PSD4: variants seen among roughly 807,000 people sequenced by gnomAD.
PSD4 encodes the protein pleckstrin and Sec7 domain containing 4.
A neutral mutation model predicts 112.5 loss-of-function variants in PSD4; 59 were observed. That is an observed-to-expected ratio of 0.52 (90% CI 0.43 to 0.65). The LOEUF is 0.65. PSD4 is among the 30% of genes least tolerant of loss of function. The pLI is 0.00. For missense variants in PSD4, 1,267 were observed against 1,352.6 expected (o/e 0.94, Z 0.99); for synonymous variants, 533 against 540.0 (o/e 0.99, Z 0.18).
intron 5 of PSD4, among the ~76,000 whole-genome samples, chr2:113,186,917 T>C (rs1688314130): frequency 6.6e-6 from 1 of 152,186 alleles, no homozygotes; most frequent in African/African-American, 2.4e-5. Flanking sequence ...AAAAGGCATT[T>C]TGTTTTCTAA....
intron 12 of PSD4, among the ~76,000 whole-genome samples, chr2:113,196,933 C>G (rs1370750995): frequency 1.3e-5 from 2 of 152,272 alleles, no homozygotes; most frequent in Non-Finnish European, 2.9e-5. Flanking sequence ...GAGTGGTGAT[C>G]TCAGCAGACT....
In PSD4 at chr2:113,201,432, G is replaced by GTGAAGCC; in HGVS notation, c.*17_*18insTGAAGCC. ...CAGCTGTGAAGCCAGCACCACCTCA[G>GTGAAGCC]AGACACTGTTCCCTGCTCCAGGGTA... On this transcript the variant is annotated 3_prime_UTR_variant, in exon 17 of 17. Coordinates refer to ENST00000245796, the MANE Select transcript of PSD4 (RefSeq NM_012455.3). The GTGAAGCC allele has an allele frequency of 6.2e-7, 1 of 1,612,158 alleles. No homozygotes were observed. Among genetic ancestry groups the GTGAAGCC allele is most frequent in the Non-Finnish European group, 8.5e-7 (1 of 1,179,540 alleles).
rs1401919284 is a variant in PSD4, at chr2:113,206,560, C to T, written c.*5145C>T. 1 of 152,278 alleles carries T rather than the reference C, an allele frequency of 6.6e-6. No individual in the cohort carries two copies. The highest frequency in any genetic ancestry group is 1.5e-5 in the Non-Finnish European group (1 of 68,052). The allele number at this position is 152,278 out of a possible 1,614,324, so 9.4% of individuals were successfully genotyped here. ...AATTGAGTCCAGCTTTTCTAGCCAT[C>T]TGACCGTGGCCAGTTAGCCTCTTAT... On this transcript the variant is annotated 3_prime_UTR_variant, in exon 17 of 17. Coordinates refer to ENST00000245796, the MANE Select transcript of PSD4 (RefSeq NM_012455.3).
rs753696839 is a variant in PSD4 at position 113,182,422 on chromosome 2, C to G, written c.-35C>G. 3.9e-6 allele frequency: 6 copies of G among 1,546,514 alleles called. No homozygotes were observed. The African/African-American group carries it at 8.2e-5, about 21-fold the overall frequency. ...CACAGTGAGACCGTGAAAGCAGATG[C>G]TCCGGGGCACTCCTGGGCAGCTTTT... On this transcript the variant is annotated 5_prime_UTR_variant, in exon 2 of 17. Coordinates refer to ENST00000245796, the MANE Select transcript of PSD4 (RefSeq NM_012455.3).
intron 1 of PSD4, among the ~76,000 whole-genome samples, chr2:113,178,445 A>AC (rs1417375661): frequency 6.8e-6 from 1 of 147,398 alleles, no homozygotes; most frequent in Non-Finnish European, 1.5e-5. Flanking sequence ...CTCTGAAAAA[A>AC]CCCAGCAAGG....
At position 113,192,708 on chromosome 2, in the gene PSD4, T is replaced by C. The variant is rs982205154; in HGVS notation, c.1838+119T>C. On this transcript the variant is annotated intron_variant, in intron 6 of 16. Transcript: ENST00000245796. ...GTCCCTGCCCTGTTCCCTTCCCATC[T>C]CCCCTCCTAACTTTTCCCCCATACC... The C allele has an allele frequency of 9.4e-6, 10 of 1,062,244 alleles. No homozygotes were observed. The African/African-American group carries it at 1.4e-4, about 15-fold the overall frequency. The allele number at this position is 1,062,244 out of a possible 1,614,324, so 65.8% of individuals were successfully genotyped here.
intron 1 of PSD4, among the ~76,000 whole-genome samples, chr2:113,181,705 A>G (rs1688142561): frequency 6.6e-6 from 1 of 152,198 alleles, no homozygotes; most frequent in Admixed American, 6.5e-5. Context: ...TGAGTTAAGC[A>G]GAGAGCCCCT....
chr2:113,185,900 C>T lies in PSD4; in HGVS notation c.1273C>T (p.Gln425Ter). The T allele has an allele frequency of 6.2e-7, 1 of 1,612,442 alleles. No homozygotes were observed. Among genetic ancestry groups the T allele is most frequent in the Non-Finnish European group, 8.5e-7 (1 of 1,179,248 alleles). ...DRDEREGGHP[Q>*]ESLPCTLAPC... ...AGATGAGAGGGAGGGTGGACACCCC[C>T]AGGAATCTCTTCCCTGCACCTTGGC... The change falls in exon 5 of 17, where the codon CAG (glutamine) becomes TAG (stop). Residue 425 changes from glutamine (Q) to a stop codon, truncating the protein, a stop_gained. Transcript: ENST00000245796. LOFTEE classifies it high-confidence loss of function.
chr2:113,174,968 C>A (rs1687929136), intron 1 of PSD4, among the ~76,000 whole-genome samples: 1 of 152,154 alleles, frequency 6.6e-6, no homozygotes, highest in Non-Finnish European at 1.5e-5. Flanking sequence ...AAGTGGTCCC[C>A]AAGCAGGCCT....
chr2:113,197,993 G>C, intron 14 of PSD4, 80 bp downstream of exon 14: 1 of 1,405,636 alleles, frequency 7.1e-7, no homozygotes, highest in Non-Finnish European at 9.4e-7. Flanking sequence ...TGACACCTGA[G>C]GCTTGTGGGC....
At position 113,209,325 on chromosome 2, in the gene PSD4, T is replaced by A. The variant is rs1688908546; in HGVS notation, c.*7910T>A. On this transcript the variant is annotated 3_prime_UTR_variant, in exon 17 of 17. Transcript: ENST00000245796. ...TATGGCATGCATATCATATGAGCAGTCTCAAATCCTCCCCAGAACAAGGTG... is the reference window on the plus strand; with the variant it reads ...TATGGCATGCATATCATATGAGCAGACTCAAATCCTCCCCAGAACAAGGTG... 1 of 152,126 alleles carries A rather than the reference T, an allele frequency of 6.6e-6. No homozygotes were observed. The highest frequency in any genetic ancestry group is 6.5e-5 in the Admixed American group (1 of 15,278). The allele number at this position is 152,126 out of a possible 1,614,324, so 9.4% of individuals were successfully genotyped here.
Position 113,183,489 on chromosome 2 carries a change from C to T in PSD4, c.1033C>T (p.Pro345Ser). 1 of 1,585,876 alleles carries T rather than the reference C, an allele frequency of 6.3e-7. No homozygotes were observed. Among genetic ancestry groups the T allele is most frequent in the Non-Finnish European group, 8.6e-7 (1 of 1,167,624 alleles). The change falls in exon 2 of 17, where the codon CCT (proline) becomes TCT (serine). Residue 345 changes from proline to serine, a missense_variant. Around this residue, in one of 2 missense-constraint regions of PSD4, gnomAD observed 723 missense variants for 704.0 expected, o/e 1.03. Coordinates refer to ENST00000245796, the MANE Select transcript of PSD4 (RefSeq NM_012455.3). ...TGCCGCTGAGGGGGCTCCTGCAGCA[C>T]CTCCTGGTCACGGGGAGAGTGAGGT... Reference protein sequence around the residue: ...VAAAEGAPAAPPGHGESEGDR... With the variant: ...VAAAEGAPAASPGHGESEGDR...
intron 5 of PSD4, among the ~76,000 whole-genome samples, chr2:113,188,690 C>A (rs1221399014): frequency 6.6e-6 from 1 of 152,096 alleles, no homozygotes; most frequent in Non-Finnish European, 1.5e-5. Flanking sequence ...AGGCCATTCT[C>A]CTGCCTCAGC....
rs1331900549 is a variant in PSD4 at position 113,197,211 on chromosome 2, G to C, written c.2387-353G>C. The C allele has an allele frequency of 1.3e-5, 5 of 372,998 alleles. No individual in the cohort carries two copies. In the Admixed American group the frequency reaches 1.6e-4, roughly 12 times the overall value. The allele number at this position is 372,998 out of a possible 1,614,324, so 23.1% of individuals were successfully genotyped here. On this transcript the variant is annotated intron_variant, in intron 12 of 16. Transcript: ENST00000245796. ...GGTCAAGATCATCCTGCAGGGACTA[G>C]AAAGCTGTCTGGGAGGAGCTGTGTT...
At chr2:113,176,512 C>T (rs937400739) in intron 1 of PSD4, among the ~76,000 whole-genome samples, 1 of 152,186 alleles carries the variant, frequency 6.6e-6, no homozygotes, top group Non-Finnish European at 1.5e-5. Flanking sequence ...TGGAGCAGTG[C>T]TCTCTCTTCC....
At chr2:113,176,193 G>A (rs1323441195) in intron 1 of PSD4, among the ~76,000 whole-genome samples, 1 of 152,242 alleles carries the variant, frequency 6.6e-6, no homozygotes, top group Non-Finnish European at 1.5e-5. Flanking sequence ...GCAATGCCAG[G>A]CTGAGGGTGA....
chr2:113,177,369 A>G (rs1324311787), intron 1 of PSD4, among the ~76,000 whole-genome samples: 1 of 152,226 alleles, frequency 6.6e-6, no homozygotes, highest in Non-Finnish European at 1.5e-5. Context: ...TTGTCTGTCC[A>G]TTCATCTAGC....
At chr2:113,195,229 T>C (rs1173337182) in intron 10 of PSD4, among the ~76,000 whole-genome samples, 1 of 151,830 alleles carries the variant, frequency 6.6e-6, no homozygotes, top group Non-Finnish European at 1.5e-5. Context: ...GGTGTGATCT[T>C]GGCTCACTGC....
intron 16 of PSD4, among the ~76,000 whole-genome samples, chr2:113,199,449 A>G (rs1469537252): frequency 1.3e-5 from 2 of 152,230 alleles, no homozygotes; most frequent in Non-Finnish European, 2.9e-5. Flanking sequence ...CCACGCACTT[A>G]GGCCTGTCGC....
Sources: gnomAD v4.1 joint callset for allele counts (sites outside exome capture counted in the v4.1 genomes callset) on GRCh38, gnomAD v4.1.1 for gene constraint, gnomAD v4.1.1 regional missense constraint, MANE v1.5 for transcripts, NCBI Gene and HGNC (gene_info 2026-07-23, HGNC 2026-07-21) for gene names.